Variants in GAS7 observed in about 807,000 individuals in gnomAD.
GAS7 encodes growth arrest specific 7, also known as growth arrest-specific protein 7.
GAS7 carries 28 observed loss-of-function variants against 71.1 expected under a neutral mutation model. The observed-to-expected ratio is 0.39, with a 90% CI of 0.29 to 0.54. GAS7 has a LOEUF of 0.54. Among genes scored for constraint, GAS7 ranks in the 20% least tolerant of loss-of-function variants. GAS7 has a pLI of 0.62. For synonymous variants in GAS7, 258 were observed against 245.8 expected, an observed-to-expected ratio of 1.05 and a Z score of -0.46; for missense variants, 436 against 627.8, an observed-to-expected ratio of 0.69 and a Z score of 3.27.
intron 2 of GAS7, among the ~76,000 whole-genome samples, chr17:9,999,104 T>C (rs1254811061): frequency 6.6e-6 from 1 of 152,228 alleles, no homozygotes; most frequent in Non-Finnish European, 1.5e-5. Context: ...TTTTTCCGCT[T>C]ATGCATCAAC....
intron 1 of GAS7, among the ~76,000 whole-genome samples, chr17:10,042,455 C>T (rs1028265272): frequency 3.9e-5 from 6 of 152,120 alleles, no homozygotes; most frequent in African/African-American, 1.2e-4. Flanking sequence ...TTCCTCCATA[C>T]GTGGCCCCCT....
intron 1 of GAS7, among the ~76,000 whole-genome samples, chr17:10,160,638 A>G (rs113727386): frequency 1.6e-3 from 246 of 152,316 alleles, no homozygotes; most frequent in African/African-American, 5.6e-3. Context: ...CAGGCAGATC[A>G]CATCACAGGT....
chr17:10,179,851 C>A (rs1444668485), intron 1 of GAS7, among the ~76,000 whole-genome samples: 1 of 152,076 alleles, frequency 6.6e-6, no homozygotes, highest in East Asian at 1.9e-4. Flanking sequence ...CAGCAGGTTT[C>A]TTTTATTAAT....
intron 1 of GAS7, among the ~76,000 whole-genome samples, chr17:10,147,144 A>G (rs12600854): frequency 0.44 from 67,168 of 151,874 alleles, 15,279 homozygotes; most frequent in East Asian, 0.64. Flanking sequence ...ATGGTTTGCC[A>G]TTTTTTTTAA....
chr17:10,182,603 G>C (rs1372157737), intron 1 of GAS7, among the ~76,000 whole-genome samples: 2 of 152,182 alleles, frequency 1.3e-5, no homozygotes, highest in African/African-American at 4.8e-5. Flanking sequence ...GACATCACTA[G>C]GGGGATAAAA....
chr17:10,181,070 G>C (rs1436659168), intron 1 of GAS7, among the ~76,000 whole-genome samples: 1 of 143,136 alleles, frequency 7.0e-6, no homozygotes, highest in Non-Finnish European at 1.5e-5. Flanking sequence ...GTGGCAGTGC[G>C]GGGGTGGCGG....
At position 10,085,316 on chromosome 17, in the gene GAS7, C is replaced by A. The variant is rs192958291; in HGVS notation, c.184-65419G>T. Among the ~76,000 whole-genome samples, 13 of 152,266 alleles carry A rather than the reference C, an allele frequency of 8.5e-5. No homozygotes were observed. In the East Asian group the frequency reaches 1.4e-3, roughly 16 times the overall value. ...GGACACCTGTCCTTGGGAGTGTCAG[C>A]CACGAAGCCAACTTCTCAGGATCTC... On this transcript the variant is annotated intron_variant, in intron 1 of 13. Coordinates refer to ENST00000432992, the MANE Select transcript of GAS7 (RefSeq NM_201433.2).
intron 1 of GAS7, among the ~76,000 whole-genome samples, chr17:10,144,583 G>A (rs764789756): frequency 3.3e-5 from 5 of 151,804 alleles, no homozygotes. Context: ...ATGCTCTCTC[G>A]TCCAGGCTGG....
intron 8 of GAS7, among the ~76,000 whole-genome samples, chr17:9,939,755 A>G (rs1051683693): frequency 6.6e-6 from 1 of 151,978 alleles, no homozygotes; most frequent in African/African-American, 2.4e-5. Context: ...GACTACAGGC[A>G]CTCATCACCA....
chr17:9,975,534 C>A (rs939072029), intron 3 of GAS7, among the ~76,000 whole-genome samples: 1 of 151,010 alleles, frequency 6.6e-6, no homozygotes, highest in Non-Finnish European at 1.5e-5. Flanking sequence ...CTTTCTCACC[C>A]CCCCCTTTTT....
intron 1 of GAS7, among the ~76,000 whole-genome samples, chr17:10,076,117 GGGGAAA>G (rs982858036): frequency 7.2e-6 from 1 of 138,672 alleles, no homozygotes; most frequent in Non-Finnish European, 1.6e-5. Flanking sequence ...GGGAAGGAGA[GGGGAAA>G]GGGAAAGGGA....
intron 2 of GAS7, among the ~76,000 whole-genome samples, chr17:10,016,781 T>A (rs2072040918): frequency 1.1e-5 from 1 of 89,000 alleles, no homozygotes; most frequent in African/African-American, 5.6e-5. Context: ...ATAATAATAA[T>A]AATAATAATA....
chr17:10,029,851 C>CAA (rs1057095980), intron 1 of GAS7, among the ~76,000 whole-genome samples: 1 of 136,700 alleles, frequency 7.3e-6, no homozygotes, highest in Non-Finnish European at 1.6e-5. Flanking sequence ...GACTCCGTCT[C>CAA]AAAAAAAAAA....
chr17:10,070,275 A>G (rs1246209215), intron 1 of GAS7, among the ~76,000 whole-genome samples: 1 of 148,868 alleles, frequency 6.7e-6, no homozygotes, highest in Non-Finnish European at 1.5e-5. Context: ...CCTGGGAATC[A>G]TCCAGCCACC....
At chr17:9,983,896 A>C (rs2070535755) in intron 2 of GAS7, among the ~76,000 whole-genome samples, 1 of 152,164 alleles carries the variant, frequency 6.6e-6, no homozygotes, top group Non-Finnish European at 1.5e-5. Flanking sequence ...GTGATTCTAG[A>C]CCCAGACTGC....
chr17:10,005,195 A>C (rs991787755), intron 2 of GAS7, among the ~76,000 whole-genome samples: 7 of 126,114 alleles, frequency 5.6e-5, no homozygotes, highest in African/African-American at 2.8e-4. Flanking sequence ...ATGTGCACGC[A>C]TGCATGTGTG....
At position 9,917,333 on chromosome 17, in the gene GAS7, C is replaced by T; in HGVS notation, c.1326G>A (p.Glu442=). ...ETDMFNQSTV[E]PVDQLLRKVD... ...CTTTTCGAAGCAGCTGATCCACGGG[C>T]TCGACTGTCTGCAAGAGACAGAGAA... The change falls in exon 14 of 14, where the codon GAG becomes GAA. Residue 442 remains glutamate (E), a synonymous_variant. Coordinates refer to ENST00000432992, the MANE Select transcript of GAS7 (RefSeq NM_201433.2). 6.2e-7 allele frequency: 1 copy of T among 1,611,660 alleles called. No individual in the cohort carries two copies. Among genetic ancestry groups the T allele is most frequent in the South Asian group, 1.1e-5 (1 of 91,048 alleles).
At chr17:10,144,827 C>T (rs529236236) in intron 1 of GAS7, among the ~76,000 whole-genome samples, 1 of 152,174 alleles carries the variant, frequency 6.6e-6, no homozygotes, top group Non-Finnish European at 1.5e-5. Flanking sequence ...GGATTACAGG[C>T]GTGAGCCACT....
chr17:10,052,922 G>A (rs1308055055), intron 1 of GAS7, among the ~76,000 whole-genome samples: 2 of 152,168 alleles, frequency 1.3e-5, no homozygotes, highest in Non-Finnish European at 2.9e-5. Context: ...CTTACTCATG[G>A]GAGCTCCTTG....
Sources: gnomAD v4.1 joint callset for allele counts (sites outside exome capture counted in the v4.1 genomes callset) on GRCh38, gnomAD v4.1.1 for gene constraint, MANE v1.5 for transcripts, NCBI Gene and HGNC (gene_info 2026-07-23, HGNC 2026-07-21) for gene names.